Variants in RHPN2 observed in about 807,000 individuals in gnomAD.
RHPN2 encodes the protein rhophilin-2.
Under a neutral mutation model 79.0 loss-of-function variants are expected in RHPN2, and 40 were observed. That is an observed-to-expected ratio of 0.51 (90% CI 0.39 to 0.66). The LOEUF (loss-of-function observed/expected upper bound fraction) is 0.66, where lower values mean the gene tolerates loss of function less well. Ranked by LOEUF, RHPN2 falls within the 30% of genes least tolerant of loss-of-function variation. The probability of loss-of-function intolerance (pLI) is 0.00; values close to 1 mark genes in which losing one functional copy is unlikely to be tolerated. For synonymous variants in RHPN2, 285 were observed against 363.5 expected, an observed-to-expected ratio of 0.78 and a Z score of 2.46; for missense variants, 686 against 883.5, an observed-to-expected ratio of 0.78 and a Z score of 2.83.
rs1441246911 is a variant in RHPN2 at position 33,010,188 on chromosome 19, C to T, written c.593+1491G>A. On this transcript the variant is annotated intron_variant, in intron 6 of 14. Transcript: ENST00000254260. The stretch of plus-strand genomic sequence containing the variant: ...TTCGCCTTTTCGGCCATGCAGACAG[C>T]CTGGTGCATTGTTAGGAAAAGTCAT... 3.9e-5 allele frequency among the ~76,000 whole-genome samples: 6 copies of T among 152,208 alleles called. 1 individual carries two copies. Among genetic ancestry groups the T allele is most frequent in the Admixed American group, 1.3e-4 (2 of 15,264 alleles).
At chr19:33,053,181 G>T (rs1234269623) in intron 1 of RHPN2, among the ~76,000 whole-genome samples, 1 of 151,746 alleles carries the variant, frequency 6.6e-6, no homozygotes, top group Non-Finnish European at 1.5e-5. Flanking sequence ...TAGAGACGAG[G>T]TTTCACCATG....
At chr19:33,047,019 G>A (rs1346089740) in intron 1 of RHPN2, among the ~76,000 whole-genome samples, 3 of 151,972 alleles carry the variant, frequency 2.0e-5, no homozygotes, top group Non-Finnish European at 2.9e-5. Flanking sequence ...CACCACGTCC[G>A]GCTAATTGTT....
At chr19:33,007,787 TC>T (rs1971803878) in intron 7 of RHPN2, among the ~76,000 whole-genome samples, 1 of 149,910 alleles carries the variant, frequency 6.7e-6, no homozygotes, top group Admixed American at 6.7e-5. Context: ...CTGGCCTCGA[TC>T]TCCTGACCTT....
chr19:33,019,026 C>A (rs1599820413), intron 4 of RHPN2, among the ~76,000 whole-genome samples: 1 of 97,136 alleles, frequency 1.0e-5, no homozygotes, highest in African/African-American at 5.8e-5. Context: ...AGCGAAACTC[C>A]AGCTCAAAAA....
At chr19:33,048,980 G>A (rs957574347) in intron 1 of RHPN2, among the ~76,000 whole-genome samples, 25 of 151,416 alleles carry the variant, frequency 1.7e-4, no homozygotes. Context: ...TTTTCTGTTC[G>A]TATACTTTCC....
intron 2 of RHPN2, among the ~76,000 whole-genome samples, chr19:33,029,835 C>T (rs1037244264): frequency 6.6e-6 from 1 of 152,108 alleles, no homozygotes; most frequent in Non-Finnish European, 1.5e-5. Context: ...GAGGCCCGGC[C>T]CAGGCTTCTA....
chr19:33,023,213 T>C (rs1971938426), intron 3 of RHPN2, among the ~76,000 whole-genome samples: 1 of 152,136 alleles, frequency 6.6e-6, no homozygotes, highest in Middle Eastern at 3.4e-3. Context: ...AATGGGTAGA[T>C]CACCTGAGGT....
At chr19:33,005,740 A>G (rs2145233869) in intron 7 of RHPN2, among the ~76,000 whole-genome samples, 1 of 152,018 alleles carries the variant, frequency 6.6e-6, no homozygotes, top group Admixed American at 6.6e-5. Context: ...GTTTGTCTCC[A>G]TTGATATAAT....
chr19:33,015,811 G>C (rs1427600490), intron 4 of RHPN2, among the ~76,000 whole-genome samples: 2 of 152,160 alleles, frequency 1.3e-5, no homozygotes, highest in African/African-American at 4.8e-5. Context: ...CAGTTTTCAA[G>C]GCTGAGGTGG....
intron 2 of RHPN2, among the ~76,000 whole-genome samples, chr19:33,035,734 T>C (rs1214149278): frequency 1.3e-5 from 2 of 152,192 alleles, no homozygotes; most frequent in East Asian, 3.8e-4. Context: ...AACAAATTAA[T>C]AATGTTTTCT....
At chr19:33,031,258 C>G (rs1972009417) in intron 2 of RHPN2, among the ~76,000 whole-genome samples, 1 of 151,084 alleles carries the variant, frequency 6.6e-6, no homozygotes, top group Non-Finnish European at 1.5e-5. Context: ...CTATTCTACT[C>G]TATTCTATTC....
Position 32,990,766 on chromosome 19 carries a change from C to A in RHPN2, c.1645-97G>T, listed in dbSNP as rs1971652349. 3 of 1,458,770 alleles carry A rather than the reference C, an allele frequency of 2.1e-6. No homozygotes were observed. In the African/African-American group the frequency reaches 4.2e-5, roughly 21 times the overall value. The allele number at this position is 1,458,770 out of a possible 1,614,324, so 90.4% of individuals were successfully genotyped here. A position where few individuals can be genotyped will look rare whatever the true frequency, so the allele number is the denominator to read the frequency against. Reference sequence around the variant, plus strand: ...AATAGGTATTTGCGTAAGTTCGCATCAAGAAAGCAAAAATTCACTTTGGGT... The same window carrying A: ...AATAGGTATTTGCGTAAGTTCGCATAAAGAAAGCAAAAATTCACTTTGGGT... On this transcript the variant is annotated intron_variant, in intron 13 of 14. Coordinates refer to ENST00000254260, the MANE Select transcript of RHPN2 (RefSeq NM_033103.5).
chr19:33,007,991 G>C lies in RHPN2; in HGVS notation c.760+23C>G, dbSNP rs201917503. ...ACCGGGTGGGGCCAAGGCTCCGTCT[G>C]GTCAGCCCTGGAGGAGACATACCTG... On this transcript the variant is annotated intron_variant, in intron 7 of 14. Coordinates refer to ENST00000254260, the MANE Select transcript of RHPN2 (RefSeq NM_033103.5). 230 of 1,611,484 alleles carry C rather than the reference G, an allele frequency of 1.4e-4. No homozygotes were observed. The African/African-American group carries it at 2.9e-3, about 20-fold the overall frequency.
intron 2 of RHPN2, among the ~76,000 whole-genome samples, chr19:33,030,359 G>A (rs1568320766): frequency 1.3e-5 from 2 of 152,104 alleles, no homozygotes; most frequent in African/African-American, 2.4e-5. Context: ...TTGGGAGGCC[G>A]AGGCACGCGG....
At chr19:33,034,786 A>AC in intron 2 of RHPN2, among the ~76,000 whole-genome samples, 2 of 138,098 alleles carry the variant, frequency 1.4e-5, no homozygotes, top group Admixed American at 1.4e-4. Context: ...TCCATCTCAA[A>AC]AAAAAAAAAA....
At chr19:33,060,867 G>C (rs936502151) in intron 1 of RHPN2, among the ~76,000 whole-genome samples, 1 of 152,118 alleles carries the variant, frequency 6.6e-6, no homozygotes, top group African/African-American at 2.4e-5. Flanking sequence ...TCAGTAGTCC[G>C]TAAAAGAGAA....
intron 10 of RHPN2, among the ~76,000 whole-genome samples, chr19:32,997,665 AT>A (rs1971713548): frequency 6.6e-6 from 1 of 151,794 alleles, no homozygotes. Context: ...AAGTTTTTGT[AT>A]TTTTGGTACA....
intron 3 of RHPN2, among the ~76,000 whole-genome samples, chr19:33,025,824 T>C (rs915911256): frequency 2.6e-5 from 4 of 152,238 alleles, no homozygotes. Flanking sequence ...GTCTGTTCAG[T>C]TGAATTTAAT....
intron 3 of RHPN2, among the ~76,000 whole-genome samples, chr19:33,024,365 G>A (rs879826461): frequency 1.3e-5 from 2 of 152,074 alleles, no homozygotes; most frequent in Admixed American, 6.6e-5. Flanking sequence ...CCTGGGAGGC[G>A]GAGGTTGCGG....
Sources: allele counts gnomAD v4.1 joint callset (sites outside exome capture counted in the v4.1 genomes callset), GRCh38; gene constraint gnomAD v4.1.1; transcripts MANE v1.5; gene names NCBI Gene and HGNC (gene_info 2026-07-23, HGNC 2026-07-21).